TMEM163: variants seen among roughly 807,000 people sequenced by gnomAD.
TMEM163 encodes the protein transmembrane protein 163.
A neutral mutation model predicts 29.3 loss-of-function variants in TMEM163; 17 were observed. That is an observed-to-expected ratio of 0.58 (90% CI 0.40 to 0.87). The LOEUF (loss-of-function observed/expected upper bound fraction) is 0.87, where lower values mean the gene tolerates loss of function less well. Among genes scored for constraint, TMEM163 ranks in the 40% least tolerant of loss-of-function variants. The pLI is 0.00. For missense variants in TMEM163, 303 were observed against 381.5 expected (o/e 0.79, Z 1.71); for synonymous variants, 157 against 160.6 (o/e 0.98, Z 0.17).
In TMEM163 at chr2:134,557,702, C is replaced by T. The variant is rs77818493; in HGVS notation, c.323-5611G>A. On this transcript the variant is annotated intron_variant, in intron 2 of 7. Coordinates refer to ENST00000281924, the MANE Select transcript of TMEM163 (RefSeq NM_030923.5). The stretch of plus-strand genomic sequence containing the variant: ...AACAGTCACTTACACCTTTGCCCAG[C>T]TTGGTGAAACAACAGGGCAGAGGAA... Among the ~76,000 whole-genome samples, 975 of 152,266 alleles carry T rather than the reference C, an allele frequency of 6.4e-3. 3 individuals are homozygous for T. Among genetic ancestry groups the T allele is most frequent in the Non-Finnish European group, 0.01 (693 of 68,008 alleles).
Position 134,460,634 on chromosome 2 carries a change from C to A in TMEM163, c.668-2461G>T, listed in dbSNP as rs959738198. On this transcript the variant is annotated intron_variant, in intron 6 of 7. Coordinates refer to ENST00000281924, the MANE Select transcript of TMEM163 (RefSeq NM_030923.5). This position sits in a 1 kb window ranked among gnomAD's most constrained non-coding sequence, Gnocchi z 4.3. ...CCTGCCTGGCTCCCGCAGACAGTCA[C>A]CCCAGGAGAAGCAAGCCCAAGCCAG... 1.3e-5 allele frequency among the ~76,000 whole-genome samples: 2 copies of A among 152,174 alleles called. No homozygotes were observed. The highest frequency in any genetic ancestry group is 2.4e-5 in the African/African-American group (1 of 41,438).
intron 4 of TMEM163, among the ~76,000 whole-genome samples, chr2:134,539,285 A>C (rs1438050046): frequency 6.6e-6 from 1 of 152,180 alleles, no homozygotes; most frequent in Non-Finnish European, 1.5e-5. Context: ...GCAACTACTT[A>C]GAGAAAGGCA....
intron 2 of TMEM163, among the ~76,000 whole-genome samples, chr2:134,582,933 A>G (rs1364536970): frequency 6.6e-6 from 1 of 152,072 alleles, no homozygotes; most frequent in East Asian, 1.9e-4. Flanking sequence ...GCTTGAACAC[A>G]CTCCACATAT....
chr2:134,488,006 TAAA>T (rs397949314), intron 5 of TMEM163, among the ~76,000 whole-genome samples: 1 of 145,054 alleles, frequency 6.9e-6, no homozygotes, highest in East Asian at 2.0e-4. Context: ...AATCTCCATT[TAAA>T]AAAAAAAAAG....
At chr2:134,536,594 C>G (rs928335045) in intron 4 of TMEM163, among the ~76,000 whole-genome samples, 7 of 152,186 alleles carry the variant, frequency 4.6e-5, no homozygotes, top group African/African-American at 1.7e-4. Context: ...CTGAGAGCCT[C>G]TAAACCTCCA....
intron 2 of TMEM163, among the ~76,000 whole-genome samples, chr2:134,665,519 C>G (rs952224353): frequency 6.6e-6 from 1 of 152,136 alleles, no homozygotes. Flanking sequence ...GGACACAGCC[C>G]AACCATATCA....
chr2:134,476,978 A>G (rs1172151663), intron 5 of TMEM163, among the ~76,000 whole-genome samples: 1 of 152,154 alleles, frequency 6.6e-6, no homozygotes, highest in Non-Finnish European at 1.5e-5. Context: ...ACTTCTCTGG[A>G]AAACCTTGTC....
intron 2 of TMEM163, among the ~76,000 whole-genome samples, chr2:134,574,323 G>A (rs1368910327): frequency 6.6e-6 from 1 of 152,238 alleles, no homozygotes; most frequent in Admixed American, 6.5e-5. Context: ...ACTTTGGGAG[G>A]CTGAGCCAGG....
At chr2:134,561,190 GT>G (rs1681172734) in intron 2 of TMEM163, among the ~76,000 whole-genome samples, 1 of 152,180 alleles carries the variant, frequency 6.6e-6, no homozygotes, top group Non-Finnish European at 1.5e-5. Context: ...TAGCAGCAAA[GT>G]TCTTTTATTA....
intron 2 of TMEM163, among the ~76,000 whole-genome samples, chr2:134,634,818 T>A (rs1318892561): frequency 6.6e-6 from 1 of 152,274 alleles, no homozygotes; most frequent in African/African-American, 2.4e-5. Context: ...AGGCAGTGGT[T>A]GGCCCATAGG....
chr2:134,697,289 A>T (rs1684603186), intron 2 of TMEM163, among the ~76,000 whole-genome samples: 1 of 152,122 alleles, frequency 6.6e-6, no homozygotes. Context: ...AGACGTCCTT[A>T]TCTTCATTTT....
chr2:134,587,649 A>C (rs1302155830), intron 2 of TMEM163, among the ~76,000 whole-genome samples: 1 of 152,186 alleles, frequency 6.6e-6, no homozygotes, highest in Non-Finnish European at 1.5e-5. Flanking sequence ...CTAAGACTCT[A>C]AGACTCTCAA....
rs35569678 is a variant in TMEM163 at position 134,460,083 on chromosome 2, C to CA, written c.668-1911_668-1910insT. The stretch of plus-strand genomic sequence containing the variant: ...GCCCCTTGCCAGATGTTACCCCCCC[C>CA]CAAATTCATTCTCACTCTCCCCGCT... On this transcript the variant is annotated intron_variant, in intron 6 of 7. Coordinates refer to ENST00000281924, the MANE Select transcript of TMEM163 (RefSeq NM_030923.5). The surrounding 1 kb of genome is among the most constrained non-coding windows in gnomAD (Gnocchi z 4.3). Among the ~76,000 whole-genome samples, 1 of 147,994 alleles carries CA rather than the reference C, an allele frequency of 6.8e-6. No individual in the cohort carries two copies. Among genetic ancestry groups the CA allele is most frequent in the African/African-American group, 2.6e-5 (1 of 39,028 alleles).
chr2:134,602,674 A>C (rs1682262007), intron 2 of TMEM163, among the ~76,000 whole-genome samples: 1 of 152,168 alleles, frequency 6.6e-6, no homozygotes, highest in Non-Finnish European at 1.5e-5. Flanking sequence ...AGGAGAATGA[A>C]AATGTCCTGA....
intron 5 of TMEM163, among the ~76,000 whole-genome samples, chr2:134,497,067 T>TA (rs1679583310): frequency 6.6e-6 from 1 of 152,188 alleles, no homozygotes; most frequent in African/African-American, 2.4e-5. Flanking sequence ...TACCTCCCCC[T>TA]ACTCCAGGCT....
chr2:134,461,036 T>C (rs1386489830), intron 6 of TMEM163, among the ~76,000 whole-genome samples: 1 of 152,120 alleles, frequency 6.6e-6, no homozygotes, highest in African/African-American at 2.4e-5. Context: ...GCCTTCCCAA[T>C]CCGTCATTCC....
intron 2 of TMEM163, among the ~76,000 whole-genome samples, chr2:134,684,959 A>C (rs1212733767): frequency 6.6e-6 from 1 of 151,492 alleles, no homozygotes; most frequent in Non-Finnish European, 1.5e-5. Flanking sequence ...AGAATGAATT[A>C]GCTCCCAAGA....
chr2:134,638,447 G>A (rs1251532815), intron 2 of TMEM163, among the ~76,000 whole-genome samples: 3 of 152,180 alleles, frequency 2.0e-5, no homozygotes, highest in Admixed American at 6.5e-5. Context: ...AGAAAAGGGG[G>A]CTGGCAGGAT....
At chr2:134,658,594 AAT>A (rs542562283) in intron 2 of TMEM163, among the ~76,000 whole-genome samples, 5 of 149,746 alleles carry the variant, frequency 3.3e-5, no homozygotes, top group Admixed American at 1.3e-4. Context: ...TTTTCTCTGA[AAT>A]ATATATATAT....
Sources: gnomAD v4.1 joint callset for allele counts (sites outside exome capture counted in the v4.1 genomes callset) on GRCh38, gnomAD v4.1.1 for gene constraint, Gnocchi (gnomAD v3.1) non-coding constraint, MANE v1.5 for transcripts, NCBI Gene and HGNC (gene_info 2026-07-23, HGNC 2026-07-21) for gene names.